The following AMN1 variants were observed in gnomAD, a reference collection of about 807,000 sequenced individuals.
The protein encoded by AMN1 is protein AMN1 homolog.
Under a neutral mutation model 33.0 loss-of-function variants are expected in AMN1, and 20 were observed. The ratio of observed to expected loss-of-function variants is 0.61; its 90% CI spans 0.43 to 0.88. AMN1 has a LOEUF of 0.88. Ranked by LOEUF, AMN1 falls within the 40% of genes least tolerant of loss-of-function variation. The probability of loss-of-function intolerance (pLI) is 0.00; values close to 1 mark genes in which losing one functional copy is unlikely to be tolerated. For synonymous variants in AMN1, 114 were observed against 111.9 expected, an observed-to-expected ratio of 1.02 and a Z score of -0.12; for missense variants, 246 against 307.4, an observed-to-expected ratio of 0.80 and a Z score of 1.49.
intron 6 of AMN1, among the ~76,000 whole-genome samples, chr12:31,681,068 AG>A (rs879350696): frequency 6.6e-6 from 1 of 152,196 alleles, no homozygotes; most frequent in Non-Finnish European, 1.5e-5. Context: ...CTGATGGTTA[AG>A]TGGGAAGAGT....
chr12:31,729,042 A>C (rs1940200299), upstream of AMN1: 1 of 1,525,314 alleles, frequency 6.6e-7, no homozygotes, highest in Non-Finnish European at 8.9e-7. Context: ...CCGCGGTCCC[A>C]GGGCCTCCAG....
At chr12:31,710,135 T>C (rs1939409851) in intron 1 of AMN1, among the ~76,000 whole-genome samples, 1 of 152,118 alleles carries the variant, frequency 6.6e-6, no homozygotes, top group African/African-American at 2.4e-5. Context: ...GATAATGAAA[T>C]CACTAGAGAA....
intron 5 of AMN1, among the ~76,000 whole-genome samples, chr12:31,691,160 A>C (rs1938484216): frequency 6.6e-6 from 1 of 152,050 alleles, no homozygotes; most frequent in African/African-American, 2.4e-5. Flanking sequence ...AAAGGAATGA[A>C]ATATTAACAT....
At chr12:31,673,362 G>C (rs1951321364) in intron 6 of AMN1, among the ~76,000 whole-genome samples, 1 of 152,040 alleles carries the variant, frequency 6.6e-6, no homozygotes, top group Non-Finnish European at 1.5e-5. Context: ...AAGAGAACCA[G>C]AGAGTGTATA....
chr12:31,675,889 A>G (rs896344295), intron 6 of AMN1, among the ~76,000 whole-genome samples: 7 of 151,872 alleles, frequency 4.6e-5, no homozygotes, highest in Admixed American at 1.3e-4. Context: ...GGCAAGAAAA[A>G]GAAAAGGCAT....
At chr12:31,707,773 T>A (rs554786921) in intron 2 of AMN1, among the ~76,000 whole-genome samples, 45 of 152,280 alleles carry the variant, frequency 3.0e-4, no homozygotes, top group Non-Finnish European at 5.6e-4. Context: ...GAGAAGTAAC[T>A]GAGACAATGG....
In AMN1 at chr12:31,687,684, C is replaced by G. The variant is rs1938324656; in HGVS notation, c.703+1323G>C. Among the ~76,000 whole-genome samples the G allele has an allele frequency of 7.0e-6, 1 of 142,514 alleles. No homozygotes were observed. Among genetic ancestry groups the G allele is most frequent in the Non-Finnish European group, 1.5e-5 (1 of 66,196 alleles). 93.5% of individuals were successfully genotyped at this position (142,514 alleles called of 152,430 possible). A position where few individuals can be genotyped will look rare whatever the true frequency, so the allele number is the denominator to read the frequency against. ...GGCGGGTGACAGAGCGAGATTCTGT[C>G]TCAAAAAAAAAAAAAAGAATAATTG... is the stretch of plus-strand genomic sequence containing the variant. On this transcript the variant is annotated intron_variant, in intron 6 of 6. Coordinates refer to ENST00000281471, the MANE Select transcript of AMN1 (RefSeq NM_001113402.2). The surrounding 1 kb of genome is among the most constrained non-coding windows in gnomAD (Gnocchi z 4.1).
chr12:31,694,107 G>T (rs1646422884), intron 5 of AMN1, among the ~76,000 whole-genome samples: 1 of 151,548 alleles, frequency 6.6e-6, no homozygotes, highest in Non-Finnish European at 1.5e-5. Flanking sequence ...GTGATGAAAG[G>T]TAGGCCTCCG....
intron 6 of AMN1, among the ~76,000 whole-genome samples, chr12:31,674,507 T>C (rs537069555): frequency 6.6e-6 from 1 of 152,240 alleles, no homozygotes; most frequent in South Asian, 2.1e-4. Flanking sequence ...TATGATTATT[T>C]TGGGCCTACA....
chr12:31,689,203 C>A, intron 5 of AMN1, 85 bp from the exon 6 acceptor site: 7 of 886,614 alleles, frequency 7.9e-6, no homozygotes, highest in African/African-American at 1.7e-5. Flanking sequence ...CATTCTGATA[C>A]AAAAAGAACC....
intron 6 of AMN1, chr12:31,673,626 G>C (rs765167354): frequency 6.9e-6 from 3 of 437,052 alleles, no homozygotes; most frequent in South Asian, 3.3e-5. Flanking sequence ...CTTTCTGTGA[G>C]GCCAGTGTTA....
chr12:31,681,997 T>C (rs933267972), intron 6 of AMN1, among the ~76,000 whole-genome samples: 1 of 152,166 alleles, frequency 6.6e-6, no homozygotes, highest in Admixed American at 6.5e-5. Flanking sequence ...TTTCAATATC[T>C]CACTTTCCTA....
chr12:31,707,109 T>C (rs1050010689), intron 2 of AMN1, among the ~76,000 whole-genome samples: 3 of 152,210 alleles, frequency 2.0e-5, no homozygotes, highest in Non-Finnish European at 2.9e-5. Context: ...TTTTAACTAC[T>C]GGTCATTATC....
chr12:31,698,702 G>A (rs1938844817), intron 3 of AMN1, among the ~76,000 whole-genome samples: 1 of 151,992 alleles, frequency 6.6e-6, no homozygotes, highest in African/African-American at 2.4e-5. Context: ...AAATTCATGG[G>A]TAGGTCATTT....
Position 31,687,453 on chromosome 12 carries a change from G to A in AMN1, c.703+1554C>T, listed in dbSNP as rs1938312435. On this transcript the variant is annotated intron_variant, in intron 6 of 6. Transcript: ENST00000281471. The surrounding 1 kb of genome is among the most constrained non-coding windows in gnomAD (Gnocchi z 4.1). Reference sequence around the variant, plus strand: ...CGCCTGTGATCCCAGCACTTTGGGAGGCTGGGGTGGGTGGATCATGAGGTC... The same window carrying A: ...CGCCTGTGATCCCAGCACTTTGGGAAGCTGGGGTGGGTGGATCATGAGGTC... Among the ~76,000 whole-genome samples the A allele has an allele frequency of 6.6e-6, 1 of 152,186 alleles. No homozygotes were observed. Among genetic ancestry groups the A allele is most frequent in the Non-Finnish European group, 1.5e-5 (1 of 68,038 alleles).
At chr12:31,727,940 C>T (rs1810078054) in intron 1 of AMN1, among the ~76,000 whole-genome samples, 1 of 152,154 alleles carries the variant, frequency 6.6e-6, no homozygotes, top group Non-Finnish European at 1.5e-5. Context: ...GCCGTGCTGG[C>T]TAGGCTGGTC....
chr12:31,697,423 C>T lies in AMN1; in HGVS notation c.535-6G>A, dbSNP rs1216281945. On this transcript the variant is annotated splice_region_variant and splice_polypyrimidine_tract_variant and intron_variant, in intron 4 of 6. Coordinates refer to ENST00000281471, the MANE Select transcript of AMN1 (RefSeq NM_001113402.2). ...ATCACACCACTGTCAGATACCTAAG[C>T]AAAGGGAAAAAGAAACACAGTCCAT... is the stretch of plus-strand genomic sequence containing the variant. 1.2e-6 allele frequency: 2 copies of T among 1,611,638 alleles called. No individual in the cohort carries two copies. The highest frequency in any genetic ancestry group is 1.7e-6 in the Non-Finnish European group (2 of 1,178,994).
chr12:31,678,717 CAA>C (rs1338792435), intron 6 of AMN1, among the ~76,000 whole-genome samples: 3 of 152,048 alleles, frequency 2.0e-5, no homozygotes, highest in Non-Finnish European at 4.4e-5. Flanking sequence ...AAACTTTTAA[CAA>C]AGTATTTTTT....
At chr12:31,690,230 G>C (rs764521987) in intron 5 of AMN1, among the ~76,000 whole-genome samples, 12 of 152,202 alleles carry the variant, frequency 7.9e-5, no homozygotes, top group Non-Finnish European at 1.5e-4. Flanking sequence ...GTGTGTACAA[G>C]TATCTTTTTC....
Sources: gnomAD v4.1 joint callset for allele counts (sites outside exome capture counted in the v4.1 genomes callset) on GRCh38, gnomAD v4.1.1 for gene constraint, Gnocchi (gnomAD v3.1) non-coding constraint, MANE v1.5 for transcripts, NCBI Gene and HGNC (gene_info 2026-07-23, HGNC 2026-07-21) for gene names.